The following WWP2 variants were observed in gnomAD, a reference collection of about 807,000 sequenced individuals.
The protein encoded by WWP2 is WW domain containing E3 ubiquitin protein ligase 2, also known as NEDD4-like E3 ubiquitin-protein ligase WWP2.
In WWP2, 57 loss-of-function variants were observed where a neutral mutation model predicts 121.0. The ratio of observed to expected loss-of-function variants is 0.47; its 90% CI spans 0.38 to 0.59. WWP2 has a LOEUF of 0.59. Among genes scored for constraint, WWP2 ranks in the 20% least tolerant of loss-of-function variants. WWP2 has a pLI of 0.00. For synonymous variants in WWP2, 449 were observed against 441.3 expected (o/e 1.02, Z -0.22); for missense variants, 962 against 1,158.9 (o/e 0.83, Z 2.47).
At chr16:69,783,963 A>G (rs1383746406) in intron 1 of WWP2, among the ~76,000 whole-genome samples, 1 of 152,166 alleles carries the variant, frequency 6.6e-6, no homozygotes, top group Admixed American at 6.5e-5. Flanking sequence ...TCTAAAAAAC[A>G]TAAGATACAA....
At chr16:69,821,025 G>A (rs894659926) in intron 4 of WWP2, among the ~76,000 whole-genome samples, 7 of 152,208 alleles carry the variant, frequency 4.6e-5, no homozygotes, top group African/African-American at 7.2e-5. Context: ...AGTTCCAGCC[G>A]CCAAATGCAA....
intron 1 of WWP2, 149 bp from the exon 2 acceptor site, chr16:69,786,847 A>G (rs570071475): frequency 9.6e-6 from 6 of 626,188 alleles, no homozygotes; most frequent in Middle Eastern, 4.4e-4. Context: ...TCATTAAGTC[A>G]TTATAAGACA....
At chr16:69,898,142 C>A (rs9934743) in intron 8 of WWP2, among the ~76,000 whole-genome samples, 5,598 of 151,486 alleles carry the variant, frequency 0.037, 289 homozygotes, top group African/African-American at 0.12. Context: ...ATTCTCCTGC[C>A]TCAGCCTCCC....
At position 69,826,395 on chromosome 16, in the gene WWP2, G is replaced by A. The variant is rs929063193; in HGVS notation, c.341-13731G>A. On this transcript the variant is annotated intron_variant, in intron 4 of 23. Coordinates refer to ENST00000359154, the MANE Select transcript of WWP2 (RefSeq NM_001270454.2). Reference sequence around the variant, plus strand: ...AGCTTGGCCAACATAGTGAAACTCTGTCTCTACTAAAAATACACACAAAAA... The same window carrying A: ...AGCTTGGCCAACATAGTGAAACTCTATCTCTACTAAAAATACACACAAAAA... Among the ~76,000 whole-genome samples the A allele has an allele frequency of 4.7e-5, 7 of 148,162 alleles. No homozygotes were observed. In the East Asian group the frequency reaches 1.4e-3, roughly 30 times the overall value.
intron 6 of WWP2, among the ~76,000 whole-genome samples, chr16:69,844,183 G>A (rs935454548): frequency 1.3e-5 from 2 of 152,130 alleles, no homozygotes; most frequent in Non-Finnish European, 1.5e-5. Flanking sequence ...TGTTTTCCGT[G>A]TCTCGGTAGG....
intron 8 of WWP2, among the ~76,000 whole-genome samples, chr16:69,898,584 T>C (rs2058146333): frequency 1.3e-5 from 2 of 152,250 alleles, no homozygotes; most frequent in Admixed American, 6.5e-5. Flanking sequence ...GAACCTCTTT[T>C]TACATGTCTT....
chr16:69,891,874 A>G (rs1265876541), intron 8 of WWP2, among the ~76,000 whole-genome samples: 1 of 152,194 alleles, frequency 6.6e-6, no homozygotes, highest in Non-Finnish European at 1.5e-5. Flanking sequence ...TTCAAGTCAT[A>G]CATCTTTCCC....
At chr16:69,793,058 GATAAA>G (rs906827355) in intron 2 of WWP2, among the ~76,000 whole-genome samples, 1 of 152,110 alleles carries the variant, frequency 6.6e-6, no homozygotes, top group African/African-American at 2.4e-5. Flanking sequence ...CCACTGCACA[GATAAA>G]ATAAATTCAC....
At chr16:69,808,915 G>T (rs183262783) in intron 4 of WWP2, among the ~76,000 whole-genome samples, 17 of 152,346 alleles carry the variant, frequency 1.1e-4, no homozygotes, top group Admixed American at 1.0e-3. Flanking sequence ...GGTTCATAGG[G>T]TGGATGTATG....
chr16:69,822,711 G>A (rs533298758), intron 4 of WWP2, among the ~76,000 whole-genome samples: 1 of 152,320 alleles, frequency 6.6e-6, no homozygotes, highest in South Asian at 2.1e-4. Context: ...GCAGGAACAA[G>A]CTGGTTGCTG....
intron 4 of WWP2, among the ~76,000 whole-genome samples, chr16:69,833,882 T>C (rs2151862047): frequency 6.6e-6 from 1 of 152,342 alleles, no homozygotes; most frequent in South Asian, 2.1e-4. Context: ...GGGGCCTGGC[T>C]GATGTGCTCG....
intron 4 of WWP2, among the ~76,000 whole-genome samples, chr16:69,814,884 C>T (rs751797314): frequency 7.2e-5 from 11 of 152,052 alleles, no homozygotes; most frequent in African/African-American, 2.7e-4. Flanking sequence ...AATAAAACTA[C>T]TGAACCTTGG....
At chr16:69,905,297 G>C (rs547598823) in intron 8 of WWP2, among the ~76,000 whole-genome samples, 1 of 152,246 alleles carries the variant, frequency 6.6e-6, no homozygotes, top group South Asian at 2.1e-4. Context: ...CGCTTTGGGG[G>C]GTGTGTAGAA....
chr16:69,893,716 T>A (rs2058065524), intron 8 of WWP2, among the ~76,000 whole-genome samples: 1 of 152,182 alleles, frequency 6.6e-6, no homozygotes, highest in Non-Finnish European at 1.5e-5. Context: ...TAATTTTTTG[T>A]ATTTTTTAGT....
chr16:69,810,794 G>C (rs1370705352), intron 4 of WWP2, among the ~76,000 whole-genome samples: 2 of 134,412 alleles, frequency 1.5e-5, no homozygotes, highest in African/African-American at 5.7e-5. Flanking sequence ...TCGCTCTGTT[G>C]CCCAGACTGG....
intron 6 of WWP2, among the ~76,000 whole-genome samples, chr16:69,852,112 A>G (rs1281040528): frequency 6.6e-6 from 1 of 152,214 alleles, no homozygotes; most frequent in East Asian, 1.9e-4. Context: ...GTTTTCCAAA[A>G]CGGCTGCACC....
chr16:69,765,649 C>T (rs1035687110), intron 1 of WWP2, among the ~76,000 whole-genome samples: 1 of 152,146 alleles, frequency 6.6e-6, no homozygotes, highest in Non-Finnish European at 1.5e-5. Context: ...CATGGTGAAA[C>T]CCCATCTCTA....
chr16:69,778,192 ATT>A (rs57651000), intron 1 of WWP2, among the ~76,000 whole-genome samples: 68 of 125,596 alleles, frequency 5.4e-4, no homozygotes, highest in Admixed American at 9.3e-4. Flanking sequence ...ATATATATAT[ATT>A]TTTTTTTTTT....
intron 11 of WWP2, among the ~76,000 whole-genome samples, chr16:69,926,601 G>C (rs189679717): frequency 6.6e-6 from 1 of 152,162 alleles, no homozygotes; most frequent in African/African-American, 2.4e-5. Context: ...GTACCACTTA[G>C]TCAATGAGCA....
Sources: allele counts gnomAD v4.1 joint callset (sites outside exome capture counted in the v4.1 genomes callset), GRCh38; gene constraint gnomAD v4.1.1; transcripts MANE v1.5; gene names NCBI Gene and HGNC (gene_info 2026-07-23, HGNC 2026-07-21).